The following COL23A1 variants were observed in gnomAD, a reference collection of about 807,000 sequenced individuals.
COL23A1 encodes the protein collagen alpha-1(XXIII) chain.
A neutral mutation model predicts 99.3 loss-of-function variants in COL23A1; 97 were observed. That is an observed-to-expected ratio of 0.98 (90% CI 0.83 to 1.16). COL23A1 has a LOEUF of 1.16. Ranked by LOEUF, COL23A1 falls within the 50% of genes most tolerant of loss-of-function variation. The pLI is 0.00. For synonymous variants in COL23A1, 320 were observed against 308.2 expected (o/e 1.04, Z -0.40); for missense variants, 762 against 757.4 (o/e 1.01, Z -0.07).
At chr5:178,379,287 G>A (rs1295973302) in intron 2 of COL23A1, among the ~76,000 whole-genome samples, 2 of 152,096 alleles carry the variant, frequency 1.3e-5, no homozygotes, top group Non-Finnish European at 2.9e-5. Context: ...TATCTCATGA[G>A]TCAGCACTGT....
intron 2 of COL23A1, among the ~76,000 whole-genome samples, chr5:178,429,999 AG>A (rs2127816165): frequency 6.6e-6 from 1 of 152,134 alleles, no homozygotes; most frequent in East Asian, 1.9e-4. Flanking sequence ...CAGGCTCTGG[AG>A]TCAGCTTTCA....
intron 2 of COL23A1, among the ~76,000 whole-genome samples, chr5:178,386,832 C>A (rs1051614593): frequency 2.6e-5 from 4 of 152,132 alleles, no homozygotes; most frequent in African/African-American, 9.7e-5. Flanking sequence ...CTCCTATGGC[C>A]GTGGGGAGGT....
intron 2 of COL23A1, among the ~76,000 whole-genome samples, chr5:178,417,564 TATC>T (rs1468465821): frequency 6.6e-6 from 1 of 152,010 alleles, no homozygotes; most frequent in Non-Finnish European, 1.5e-5. Context: ...CCCAGCGAGA[TATC>T]ATTATACAGC....
chr5:178,303,140 C>T (rs1220760712), intron 3 of COL23A1, among the ~76,000 whole-genome samples: 1 of 152,182 alleles, frequency 6.6e-6, no homozygotes, highest in African/African-American at 2.4e-5. Context: ...GCTGGGACTA[C>T]AGGTATGCAC....
Position 178,281,662 on chromosome 5 carries a change from G to T in COL23A1, c.441+6662C>A, listed in dbSNP as rs144747041. ...AAATTAGTGCAACCGCCTCCTACCC[G>T]CACCCCTTCCTCCAGTTTCTGCCCT... is the stretch of plus-strand genomic sequence containing the variant. On this transcript the variant is annotated intron_variant, in intron 5 of 28. Coordinates refer to ENST00000390654, the MANE Select transcript of COL23A1 (RefSeq NM_173465.4). The surrounding 1 kb of genome is among the most constrained non-coding windows in gnomAD (Gnocchi z 4.0). 1.3e-5 allele frequency among the ~76,000 whole-genome samples: 2 copies of T among 152,128 alleles called. No homozygotes were observed. The highest frequency in any genetic ancestry group is 1.9e-4 in the East Asian group (1 of 5,198).
In COL23A1 at chr5:178,297,595, T is replaced by C. The variant is rs540609463; in HGVS notation, c.407-7226A>G. On this transcript the variant is annotated intron_variant, in intron 3 of 28. Coordinates refer to ENST00000390654, the MANE Select transcript of COL23A1 (RefSeq NM_173465.4). Reference sequence around the variant, plus strand: ...TTCCCCCATTGGTTTCTATCATCTTTCCCTGGTTATTTCCTTCCATGCACT... The same window carrying C: ...TTCCCCCATTGGTTTCTATCATCTTCCCCTGGTTATTTCCTTCCATGCACT... Among the ~76,000 whole-genome samples, 4 of 152,346 alleles carry C rather than the reference T, an allele frequency of 2.6e-5. No homozygotes were observed. The East Asian group carries it at 7.7e-4, about 29-fold the overall frequency.
chr5:178,512,851 C>T (rs1759286128), intron 2 of COL23A1, among the ~76,000 whole-genome samples: 1 of 152,224 alleles, frequency 6.6e-6, no homozygotes, highest in African/African-American at 2.4e-5. Context: ...GCCTATTCTG[C>T]TCCTGCCACA....
Position 178,376,732 on chromosome 5 carries a change from G to A in COL23A1, c.362-69813C>T, listed in dbSNP as rs1000793905. Among the ~76,000 whole-genome samples the A allele has an allele frequency of 1.2e-4, 19 of 152,326 alleles. No homozygotes were observed. The East Asian group carries it at 1.7e-3, about 14-fold the overall frequency. On this transcript the variant is annotated intron_variant, in intron 2 of 28. Coordinates refer to ENST00000390654, the MANE Select transcript of COL23A1 (RefSeq NM_173465.4). ...CCAGATGCTTCTTTGTGTAAGGGGT[G>A]CAAGCTTCCACATGCAGCTGAGACC...
At chr5:178,256,981 T>C in intron 13 of COL23A1, 53 bp from the exon 14 acceptor site, 1 of 1,569,578 alleles carries the variant, frequency 6.4e-7, no homozygotes. Context: ...ACGTGGCGGG[T>C]GCCTTGGAGG....
At chr5:178,253,238 G>A (rs1028593602) in intron 16 of COL23A1, among the ~76,000 whole-genome samples, 1 of 150,946 alleles carries the variant, frequency 6.6e-6, no homozygotes, top group Admixed American at 6.6e-5. Context: ...ACTGCACCCT[G>A]CCCAGCCCCT....
At chr5:178,398,608 C>T (rs1036609612) in intron 2 of COL23A1, among the ~76,000 whole-genome samples, 2 of 152,154 alleles carry the variant, frequency 1.3e-5, no homozygotes, top group African/African-American at 2.4e-5. Flanking sequence ...GCCTGGGAGA[C>T]GGAATGAGAC....
At chr5:178,536,435 G>A (rs1370968826) in intron 2 of COL23A1, among the ~76,000 whole-genome samples, 1 of 152,260 alleles carries the variant, frequency 6.6e-6, no homozygotes. Flanking sequence ...CGAATCTGAT[G>A]TCAGGGTCCC....
At chr5:178,538,070 T>G (rs560651642) in intron 2 of COL23A1, among the ~76,000 whole-genome samples, 1 of 152,334 alleles carries the variant, frequency 6.6e-6, no homozygotes, top group South Asian at 2.1e-4. Context: ...AATCGTATGC[T>G]ATTGTATGGA....
intron 2 of COL23A1, among the ~76,000 whole-genome samples, chr5:178,427,006 G>A (rs1765976231): frequency 6.6e-6 from 1 of 152,218 alleles, no homozygotes; most frequent in Non-Finnish European, 1.5e-5. Context: ...AGACCAGCCT[G>A]GCCATTATGG....
intron 1 of COL23A1, among the ~76,000 whole-genome samples, chr5:178,567,395 G>A (rs1367302563): frequency 1.3e-5 from 2 of 152,152 alleles, no homozygotes; most frequent in African/African-American, 4.8e-5. Flanking sequence ...CGAAAGTAAG[G>A]AAGTGCTTTA....
chr5:178,463,525 C>T (rs536538096), intron 2 of COL23A1, among the ~76,000 whole-genome samples: 1 of 152,300 alleles, frequency 6.6e-6, no homozygotes, highest in South Asian at 2.1e-4. Flanking sequence ...GCATGCCACA[C>T]CTTGTCCCCC....
At chr5:178,536,795 T>C (rs1182316347) in intron 2 of COL23A1, among the ~76,000 whole-genome samples, 1 of 152,174 alleles carries the variant, frequency 6.6e-6, no homozygotes, top group Non-Finnish European at 1.5e-5. Flanking sequence ...AGGTGGGGCA[T>C]GTGCTGAGGG....
intron 2 of COL23A1, among the ~76,000 whole-genome samples, chr5:178,475,240 C>G (rs1393285615): frequency 6.6e-6 from 1 of 152,140 alleles, no homozygotes; most frequent in Non-Finnish European, 1.5e-5. Flanking sequence ...TTTAACATAT[C>G]TTTTGGGATA....
At position 178,249,716 on chromosome 5, in the gene COL23A1, A is replaced by ACACACACTCACTCT; in HGVS notation, c.1059+344_1059+345insAGAGTGAGTGTGTG. 3.2e-4 allele frequency among the ~76,000 whole-genome samples: 30 copies of ACACACACTCACTCT among 92,800 alleles called. 1 individual carries two copies. Among genetic ancestry groups the ACACACACTCACTCT allele is most frequent in the East Asian group, 1.7e-3 (4 of 2,392 alleles). The allele number at this position is 92,800 out of a possible 152,430, so 60.9% of individuals were successfully genotyped here. A position where few individuals can be genotyped will look rare whatever the true frequency, so the allele number is the denominator to read the frequency against. ...CACACACACACACACACACACACAC[A>ACACACACTCACTCT]CTCTCTCTCTCTCTCTCTCTCTCTC... On this transcript the variant is annotated intron_variant, in intron 18 of 28. Transcript: ENST00000390654.
Sources: gnomAD v4.1 joint callset for allele counts (sites outside exome capture counted in the v4.1 genomes callset) on GRCh38, gnomAD v4.1.1 for gene constraint, Gnocchi (gnomAD v3.1) non-coding constraint, MANE v1.5 for transcripts, NCBI Gene and HGNC (gene_info 2026-07-23, HGNC 2026-07-21) for gene names.